The following EPHA3 variants were observed in gnomAD, a reference collection of about 807,000 sequenced individuals.
EPHA3 encodes EPH receptor A3.
In EPHA3, 42 loss-of-function variants were observed where a neutral mutation model predicts 107.1. The ratio of observed to expected loss-of-function variants is 0.39; its 90% CI spans 0.31 to 0.51. EPHA3 has a LOEUF of 0.51. EPHA3 is among the 20% of genes least tolerant of loss of function. The probability of loss-of-function intolerance (pLI) is 0.78; values close to 1 mark genes in which losing one functional copy is unlikely to be tolerated. For synonymous variants in EPHA3, 461 were observed against 424.8 expected (o/e 1.09, Z -1.05); for missense variants, 1,183 against 1,211.2 (o/e 0.98, Z 0.35).
chr3:89,240,935 T>A (rs976638281), intron 3 of EPHA3, among the ~76,000 whole-genome samples: 3 of 152,184 alleles, frequency 2.0e-5, no homozygotes, highest in African/African-American at 7.2e-5. Flanking sequence ...ACACAGTACA[T>A]CTTGAAAATT....
chr3:89,197,420 C>CAAAAAAAA, intron 2 of EPHA3, among the ~76,000 whole-genome samples: 1 of 82,066 alleles, frequency 1.2e-5, no homozygotes, highest in East Asian at 3.6e-4. Context: ...TAAAAAAAAA[C>CAAAAAAAA]ATAAAAACAT....
chr3:89,137,773 G>T (rs1176997352), intron 2 of EPHA3, among the ~76,000 whole-genome samples: 6 of 151,838 alleles, frequency 4.0e-5, no homozygotes, highest in Non-Finnish European at 1.5e-5. Flanking sequence ...GATACACTTG[G>T]ATTTTTCTGA....
chr3:89,209,497 A>T (rs887168049), intron 2 of EPHA3, among the ~76,000 whole-genome samples: 4 of 152,064 alleles, frequency 2.6e-5, no homozygotes, highest in Admixed American at 2.0e-4. Flanking sequence ...AGTATTATTA[A>T]TTTTTTCTTT....
intron 12 of EPHA3, among the ~76,000 whole-genome samples, chr3:89,429,894 G>T (rs1194609174): frequency 6.6e-6 from 1 of 151,972 alleles, no homozygotes; most frequent in Non-Finnish European, 1.5e-5. Flanking sequence ...CTTCCAAATA[G>T]CAGGGATTAC....
intron 3 of EPHA3, among the ~76,000 whole-genome samples, chr3:89,310,367 G>A (rs1197429366): frequency 6.6e-6 from 1 of 151,956 alleles, no homozygotes; most frequent in Non-Finnish European, 1.5e-5. Context: ...GACTGCTTTG[G>A]AAAATTCATT....
At chr3:89,114,538 C>T (rs941119076) in intron 1 of EPHA3, among the ~76,000 whole-genome samples, 5 of 152,160 alleles carry the variant, frequency 3.3e-5, no homozygotes, top group Non-Finnish European at 5.9e-5. Flanking sequence ...GTTCTTTGTG[C>T]ACAAGTCTCT....
intron 3 of EPHA3, among the ~76,000 whole-genome samples, chr3:89,276,952 C>G (rs1477100350): frequency 6.6e-6 from 1 of 152,008 alleles, no homozygotes; most frequent in Admixed American, 6.6e-5. Context: ...GAGTATATCC[C>G]TTTTAAAATG....
chr3:89,120,031 T>G (rs1218436519), intron 1 of EPHA3, among the ~76,000 whole-genome samples: 1 of 152,172 alleles, frequency 6.6e-6, no homozygotes, highest in Non-Finnish European at 1.5e-5. Context: ...GATGTCGATA[T>G]TCTACATTTT....
chr3:89,256,481 G>A (rs1307594155), intron 3 of EPHA3, among the ~76,000 whole-genome samples: 1 of 151,974 alleles, frequency 6.6e-6, no homozygotes, highest in Non-Finnish European at 1.5e-5. Context: ...TGAGGCAGGA[G>A]AATCGCTTGG....
chr3:89,287,275 A>AG (rs974050494), intron 3 of EPHA3, among the ~76,000 whole-genome samples: 1 of 152,146 alleles, frequency 6.6e-6, no homozygotes, highest in African/African-American at 2.4e-5. Flanking sequence ...TACGGATGGG[A>AG]GAATTTTACA....
chr3:89,257,369 A>G (rs1199566853), intron 3 of EPHA3, among the ~76,000 whole-genome samples: 1 of 152,126 alleles, frequency 6.6e-6, no homozygotes, highest in Non-Finnish European at 1.5e-5. Flanking sequence ...ATGGCTTCCT[A>G]ACTCCTCTCC....
At chr3:89,119,260 A>C (rs1576161961) in intron 1 of EPHA3, among the ~76,000 whole-genome samples, 1 of 152,114 alleles carries the variant, frequency 6.6e-6, no homozygotes, top group East Asian at 1.9e-4. Context: ...GAATATCAAA[A>C]TAGAACCATC....
intron 3 of EPHA3, among the ~76,000 whole-genome samples, chr3:89,232,838 T>C (rs1412831156): frequency 1.3e-5 from 2 of 152,192 alleles, no homozygotes; most frequent in Non-Finnish European, 2.9e-5. Context: ...CTATCATTCA[T>C]TGAGGTCATT....
chr3:89,423,042 A>C (rs925614469), intron 11 of EPHA3, among the ~76,000 whole-genome samples: 2 of 151,410 alleles, frequency 1.3e-5, no homozygotes, highest in Non-Finnish European at 3.0e-5. Flanking sequence ...CAAATGTTTG[A>C]TATTTCTGCC....
chr3:89,419,600 A>T (rs572682427), intron 11 of EPHA3, among the ~76,000 whole-genome samples: 2 of 151,494 alleles, frequency 1.3e-5, no homozygotes, highest in South Asian at 2.1e-4. Context: ...ACCTCAAAAA[A>T]TTTTAAAAAA....
intron 13 of EPHA3, among the ~76,000 whole-genome samples, chr3:89,436,758 CTG>C (rs1288872349): frequency 2.0e-5 from 3 of 152,166 alleles, no homozygotes; most frequent in African/African-American, 7.2e-5. Flanking sequence ...TTTTCTCACA[CTG>C]TGTTCTATAC....
In EPHA3 at chr3:89,340,858, T is replaced by C. The variant is rs1254423445; in HGVS notation, c.815-58T>C. The C allele has an allele frequency of 2.0e-5, 29 of 1,482,582 alleles. No individual in the cohort carries two copies. In the Admixed American group the frequency reaches 4.1e-4, roughly 21 times the overall value. 91.8% of individuals were successfully genotyped at this position (1,482,582 alleles called of 1,614,324 possible). The stretch of plus-strand genomic sequence containing the variant: ...ATATTCGAACTTACTTAAATCTGTT[T>C]TACATATTTTCAAAAAAATTATCAC... On this transcript the variant is annotated intron_variant, in intron 3 of 16. Transcript: ENST00000336596.
intron 3 of EPHA3, among the ~76,000 whole-genome samples, chr3:89,311,943 CA>C (rs1706774592): frequency 6.6e-6 from 1 of 151,802 alleles, no homozygotes; most frequent in Non-Finnish European, 1.5e-5. Context: ...GAGGATGACA[CA>C]AGTAGGTATG....
At chr3:89,446,000 G>T (rs1172465519) in intron 13 of EPHA3, among the ~76,000 whole-genome samples, 1 of 152,000 alleles carries the variant, frequency 6.6e-6, no homozygotes, top group Non-Finnish European at 1.5e-5. Context: ...GTGTGTGCAG[G>T]CTACAACAAT....
Sources: gnomAD v4.1 joint callset for allele counts (sites outside exome capture counted in the v4.1 genomes callset) on GRCh38, gnomAD v4.1.1 for gene constraint, MANE v1.5 for transcripts, NCBI Gene and HGNC (gene_info 2026-07-23, HGNC 2026-07-21) for gene names.